The following LLGL2 variants were observed in gnomAD, a reference collection of about 807,000 sequenced individuals.
LLGL2 encodes LLGL2, scribble cell polarity complex component.
In LLGL2, 81 loss-of-function variants were observed where a neutral mutation model predicts 123.2. The ratio of observed to expected loss-of-function variants is 0.66; its 90% CI spans 0.55 to 0.79. LLGL2 has a LOEUF of 0.79. Ranked by LOEUF, LLGL2 falls within the 30% of genes least tolerant of loss-of-function variation. The pLI is 0.00. For missense variants in LLGL2, 1,273 were observed against 1,414.6 expected (o/e 0.90, Z 1.61); for synonymous variants, 577 against 594.1 (o/e 0.97, Z 0.42).
chr17:75,531,507 A>G (rs7502310), intron 1 of LLGL2, among the ~76,000 whole-genome samples: 23,948 of 152,076 alleles, frequency 0.16, 2,285 homozygotes, highest in African/African-American at 0.26. Context: ...TTTGTCCTCA[A>G]TCCTCAACTC....
chr17:75,571,018 C>T lies in LLGL2; in HGVS notation c.2094C>T (p.Arg698=), dbSNP rs897181845. 16 of 1,612,932 alleles carry T rather than the reference C, an allele frequency of 9.9e-6. No individual in the cohort carries two copies. In the Admixed American group the frequency reaches 2.3e-4, roughly 24 times the overall value. The change falls in exon 17 of 26, where the codon CGC becomes CGT. Residue 698 remains arginine (R), a synonymous_variant. Transcript: ENST00000392550. ...LQNMELAPVQ[R]KIEARSAEDS... ...ACATGGAGCTGGCGCCTGTGCAGCG[C>T]AAGATCGAGGCTCGCTCGGCAGAGG... is the stretch of plus-strand genomic sequence containing the variant.
chr17:75,571,421 G>A (rs2055701394), intron 17 of LLGL2: 6 of 586,384 alleles, frequency 1.0e-5, no homozygotes, highest in Admixed American at 3.0e-5. Context: ...CAGCTGTGAC[G>A]ATCGGGGACA....
At position 75,568,647 on chromosome 17, in the gene LLGL2, G is replaced by A. The variant is rs189460474; in HGVS notation, c.1208G>A (p.Arg403Gln). Reference sequence around the variant, plus strand: ...AACATCCCGCTGAAGCTGTGGGAGCGGATCATTGCCGCCGGCAGCCGGCAG... The same window carrying A: ...AACATCCCGCTGAAGCTGTGGGAGCAGATCATTGCCGCCGGCAGCCGGCAG... ...VSNIPLKLWE[R>Q]IIAAGSRQNA... is the part of the protein sequence containing the mutation. Residue 403 changes from arginine (R) to glutamine (Q), a missense_variant, in exon 11 of 26, where the codon CGG (arginine) becomes CAG (glutamine). Arg to Gln is a conservative substitution (Grantham distance 43). Transcript: ENST00000392550. 4.2e-5 allele frequency: 68 copies of A among 1,613,878 alleles called. No homozygotes were observed. The highest frequency in any genetic ancestry group is 3.6e-4 in the African/African-American group (27 of 75,050).
At position 75,570,274 on chromosome 17, in the gene LLGL2, G is replaced by T. The variant is rs1437972746; in HGVS notation, c.1874+19G>T. The T allele has an allele frequency of 1.0e-5, 16 of 1,598,518 alleles. No individual in the cohort carries two copies. The highest frequency in any genetic ancestry group is 1.3e-5 in the African/African-American group (1 of 74,712). On this transcript the variant is annotated intron_variant, in intron 15 of 25. Coordinates refer to ENST00000392550, the MANE Select transcript of LLGL2 (RefSeq NM_001031803.2). ...TTGTTAAGTGAGCAGGGGCGGCTGG[G>T]TCCCGGGGCTGGGAGTGGGGCCCGC... is the stretch of plus-strand genomic sequence containing the variant.
At chr17:75,573,358 C>G in intron 20 of LLGL2, 80 bp downstream of exon 20, 1 of 1,552,184 alleles carries the variant, frequency 6.4e-7, no homozygotes, top group Non-Finnish European at 8.8e-7. Context: ...GTTGTGGCCA[C>G]GGCCAGACTG....
intron 2 of LLGL2, among the ~76,000 whole-genome samples, chr17:75,546,902 G>A (rs1301744370): frequency 6.6e-6 from 1 of 152,146 alleles, no homozygotes; most frequent in Non-Finnish European, 1.5e-5. Flanking sequence ...CTGGAGCCTG[G>A]AGCGGCACGT....
chr17:75,530,664 A>G (rs561315377), intron 1 of LLGL2, among the ~76,000 whole-genome samples: 1 of 151,886 alleles, frequency 6.6e-6, no homozygotes, highest in South Asian at 2.1e-4. Context: ...AAAAAAAAAA[A>G]AATTAGCTGG....
rs2053813267 is a variant in LLGL2, at chr17:75,532,076, A to ACACACACACG, written c.-31+6252_-31+6253insACACACACGC. ...TATATACACACACACACACACACAC[A>ACACACACACG]CTTTTTTTTTTTTTTTTTTTTTGAG... On this transcript the variant is annotated intron_variant, in intron 1 of 25. Transcript: ENST00000392550. Among the ~76,000 whole-genome samples the ACACACACACG allele has an allele frequency of 2.7e-5, 3 of 112,176 alleles. No homozygotes were observed. In the East Asian group the frequency reaches 7.4e-4, roughly 28 times the overall value. The allele number at this position is 112,176 out of a possible 152,430, so 73.6% of individuals were successfully genotyped here. A position where few individuals can be genotyped will look rare whatever the true frequency, so the allele number is the denominator to read the frequency against.
Position 75,527,934 on chromosome 17 carries a change from C to T in LLGL2, c.-31+2109C>T, listed in dbSNP as rs890980426. The stretch of plus-strand genomic sequence containing the variant: ...TTCTGAGTAGCTGGGACTACAAGCG[C>T]GCAGCACCATGCACAGCTAATTTTC... On this transcript the variant is annotated intron_variant, in intron 1 of 25. Transcript: ENST00000392550. 4.7e-5 allele frequency among the ~76,000 whole-genome samples: 7 copies of T among 150,478 alleles called. No individual in the cohort carries two copies. In the East Asian group the frequency reaches 9.8e-4, roughly 21 times the overall value.
chr17:75,535,828 G>T (rs1385872558), intron 1 of LLGL2, among the ~76,000 whole-genome samples: 1 of 152,228 alleles, frequency 6.6e-6, no homozygotes, highest in African/African-American at 2.4e-5. Context: ...TTCTTTCCAA[G>T]TGGGTGTCCA....
intron 1 of LLGL2, among the ~76,000 whole-genome samples, chr17:75,541,718 T>A (rs2054215030): frequency 1.6e-5 from 1 of 62,580 alleles, no homozygotes; most frequent in South Asian, 5.6e-4. Flanking sequence ...GGCTCTGCTT[T>A]TTTTTTTTTT....
In LLGL2 at chr17:75,556,069, C is replaced by A. The variant is rs376986902; in HGVS notation, c.99C>A (p.His33Gln). Reference protein sequence around the residue: ...FNKTVEHGFPHQPSALGYSPS... With the variant: ...FNKTVEHGFPQQPSALGYSPS... ...AGACGGTGGAGCATGGCTTCCCGCACCAGCCCAGCGCCCTCGGCTACAGCC... is the reference window on the plus strand; with the variant it reads ...AGACGGTGGAGCATGGCTTCCCGCAACAGCCCAGCGCCCTCGGCTACAGCC... Residue 33 changes from histidine (H) to glutamine (Q), a missense_variant, in exon 3 of 26, where the codon CAC becomes CAA. By Grantham distance (24) the His-to-Gln change is conservative. Coordinates refer to ENST00000392550, the MANE Select transcript of LLGL2 (RefSeq NM_001031803.2). The A allele has an allele frequency of 5.6e-6, 9 of 1,609,388 alleles. No homozygotes were observed. The East Asian group carries it at 6.7e-5, about 12-fold the overall frequency.
chr17:75,573,308 G>A (rs2055812413), intron 20 of LLGL2, 30 bp downstream of exon 20: 2 of 1,578,298 alleles, frequency 1.3e-6, no homozygotes, highest in East Asian at 2.3e-5. Context: ...TGGGTGTCGG[G>A]GCCCCGGGCA....
intron 1 of LLGL2, among the ~76,000 whole-genome samples, chr17:75,526,122 G>T (rs1317704805): frequency 6.6e-6 from 1 of 152,152 alleles, no homozygotes; most frequent in African/African-American, 2.4e-5. Flanking sequence ...CCGGCCGGCT[G>T]GGTGCGGGGG....
chr17:75,556,100 C>A lies in LLGL2; in HGVS notation c.130C>A (p.Leu44Met). The A allele has an allele frequency of 6.2e-7, 1 of 1,610,516 alleles. No homozygotes were observed. Among genetic ancestry groups the A allele is most frequent in the Non-Finnish European group, 8.5e-7 (1 of 1,179,988 alleles). Residue 44 changes from leucine to methionine, a missense_variant, in exon 3 of 26, where the codon CTG becomes ATG. Physicochemically the swap from Leu to Met is conservative, Grantham distance 15 (BLOSUM62 2). Transcript: ENST00000392550. ...QPSALGYSPS[L>M]RILAIGTRSG... Reference sequence around the variant, plus strand: ...CAGCGCCCTCGGCTACAGCCCGTCCCTGCGCATCCTGGCCATCGGCACCCG... The same window carrying A: ...CAGCGCCCTCGGCTACAGCCCGTCCATGCGCATCCTGGCCATCGGCACCCG...
chr17:75,553,324 C>T (rs1023970997), intron 2 of LLGL2, among the ~76,000 whole-genome samples: 1 of 152,176 alleles, frequency 6.6e-6, no homozygotes, highest in African/African-American at 2.4e-5. Context: ...AGGCACCCCC[C>T]GTCTCCCCCG....
intron 17 of LLGL2, 140 bp downstream of exon 17, chr17:75,571,240 G>A: frequency 1.3e-6 from 1 of 790,720 alleles, no homozygotes; most frequent in Non-Finnish European, 2.0e-6. Flanking sequence ...GCAGACTGCA[G>A]CCCCTGCCTG....
chr17:75,573,023 C>T lies in LLGL2; in HGVS notation c.2470C>T (p.Leu824=). 6.2e-7 allele frequency: 1 copy of T among 1,604,286 alleles called. No individual in the cohort carries two copies. ...VSEEQFKVFT[L]PKVSAKLKLK... ...CACCCCACGCCCCCAGGTGTTCACG[C>T]TGCCCAAGGTGAGTGCCAAGCTGAA... Residue 824 remains leucine, a synonymous_variant, in exon 20 of 26, where the codon CTG becomes TTG. Coordinates refer to ENST00000392550, the MANE Select transcript of LLGL2 (RefSeq NM_001031803.2).
Position 75,574,502 on chromosome 17 carries a change from C to T in LLGL2, c.2996+7C>T, listed in dbSNP as rs781619774. On this transcript the variant is annotated splice_region_variant and intron_variant, in intron 24 of 25. Coordinates refer to ENST00000392550, the MANE Select transcript of LLGL2 (RefSeq NM_001031803.2). ...CACTGGAGGGAGACCGCGGGTGAGG[C>T]ACCGCCCAGGCCAGCTGGGGTGGGC... 7.7e-6 allele frequency: 12 copies of T among 1,562,612 alleles called. No homozygotes were observed. Among genetic ancestry groups the T allele is most frequent in the South Asian group, 5.9e-5 (5 of 85,382 alleles).
Sources: allele counts gnomAD v4.1 joint callset (sites outside exome capture counted in the v4.1 genomes callset), GRCh38; gene constraint gnomAD v4.1.1; transcripts MANE v1.5; gene names NCBI Gene and HGNC (gene_info 2026-07-23, HGNC 2026-07-21).